HMX2: variants seen among roughly 807,000 people sequenced by gnomAD.
The protein encoded by HMX2 is homeobox protein HMX2.
In HMX2, 15 loss-of-function variants were observed where a neutral mutation model predicts 21.2. That is an observed-to-expected ratio of 0.71 (90% CI 0.47 to 1.09). HMX2 has a LOEUF of 1.09. HMX2 is among the 50% of genes least tolerant of loss of function. The pLI, the probability that HMX2 is intolerant of heterozygous loss-of-function variation, is 0.00. For missense variants in HMX2, 440 were observed against 381.5 expected, an observed-to-expected ratio of 1.15 and a Z score of -1.28; for synonymous variants, 193 against 181.0, an observed-to-expected ratio of 1.07 and a Z score of -0.53.
Position 123,150,030 on chromosome 10 carries a change from G to C in HMX2, c.729G>C (p.Pro243=). 6.2e-7 allele frequency: 1 copy of C among 1,606,172 alleles called. No individual in the cohort carries two copies. The highest frequency in any genetic ancestry group is 8.5e-7 in the Non-Finnish European group (1 of 1,178,036). Residue 243 remains proline (P), a synonymous_variant, in exon 2 of 2, where the codon CCG becomes CCC. Coordinates refer to ENST00000339992, the MANE Select transcript of HMX2 (RefSeq NM_005519.2). This position sits in a 1 kb window ranked among gnomAD's most constrained non-coding sequence, Gnocchi z 4.2. The part of the protein sequence containing the change: ...RDSSLLRVPV[P]RSLAFPAPLY... Reference sequence around the variant, plus strand: ...GTTCGCTGCTGCGCGTGCCGGTGCCGCGCTCGCTCGCCTTTCCCGCGCCGC... The same window carrying C: ...GTTCGCTGCTGCGCGTGCCGGTGCCCCGCTCGCTCGCCTTTCCCGCGCCGC...
chr10:123,149,739 C>T lies in HMX2; in HGVS notation c.438C>T (p.Gly146=). The T allele has an allele frequency of 6.5e-7, 1 of 1,533,672 alleles. No homozygotes were observed. The highest frequency in any genetic ancestry group is 8.7e-7 in the Non-Finnish European group (1 of 1,144,666). ...ACGGCGGCGCTGAGCGGCAGGCCGG[C>T]GCGGCCAAGAAGAAGACGCGCACCG... ...PRDGGAERQA[G]AAKKKTRTVF... The change falls in exon 2 of 2, where the codon GGC becomes GGT. Residue 146 remains glycine, a synonymous_variant. Transcript: ENST00000339992. This position sits in a 1 kb window ranked among gnomAD's most constrained non-coding sequence, Gnocchi z 5.4.
chr10:123,149,789 A>C lies in HMX2; in HGVS notation c.488A>C (p.Gln163Pro). Residue 163 changes from glutamine (Q) to proline (P), a missense_variant, in exon 2 of 2, where the codon CAG becomes CCG. Coordinates refer to ENST00000339992, the MANE Select transcript of HMX2 (RefSeq NM_005519.2). The surrounding 1 kb of genome is among the most constrained non-coding windows in gnomAD (Gnocchi z 5.4). ...GTCTTTTCGCGCAGCCAGGTGTACC[A>C]GCTCGAGTCCACCTTCGACATGAAG... is the stretch of plus-strand genomic sequence containing the variant. ...RTVFSRSQVY[Q>P]LESTFDMKRY... The C allele has an allele frequency of 6.2e-7, 1 of 1,609,334 alleles. No homozygotes were observed.
rs1844244262 is a variant in HMX2 at position 123,149,551 on chromosome 10, G to C, written c.269-19G>C. On this transcript the variant is annotated intron_variant, in intron 1 of 1. Coordinates refer to ENST00000339992, the MANE Select transcript of HMX2 (RefSeq NM_005519.2). The surrounding 1 kb of genome is among the most constrained non-coding windows in gnomAD (Gnocchi z 5.4). Reference sequence around the variant, plus strand: ...CCCCAACCAACTCCATGGCCTTTCTGTCTGTTCTCGCTCCTCAGGTACCCC... The same window carrying C: ...CCCCAACCAACTCCATGGCCTTTCTCTCTGTTCTCGCTCCTCAGGTACCCC... 6.3e-6 allele frequency: 9 copies of C among 1,426,942 alleles called. No individual in the cohort carries two copies. Among genetic ancestry groups the C allele is most frequent in the Non-Finnish European group, 8.2e-6 (9 of 1,091,236 alleles). The allele number at this position is 1,426,942 out of a possible 1,614,324, so 88.4% of individuals were successfully genotyped here. A position where few individuals can be genotyped will look rare whatever the true frequency, so the allele number is the denominator to read the frequency against.
Position 123,150,036 on chromosome 10 carries a change from G to T in HMX2, c.735G>T (p.Ser245=), listed in dbSNP as rs1372803836. Residue 245 remains serine, a synonymous_variant, in exon 2 of 2, where the codon TCG becomes TCT. Coordinates refer to ENST00000339992, the MANE Select transcript of HMX2 (RefSeq NM_005519.2). The surrounding 1 kb of genome is among the most constrained non-coding windows in gnomAD (Gnocchi z 4.2). ...SSLLRVPVPR[S]LAFPAPLYYP... is the part of the protein sequence containing the mutation. ...TGCTGCGCGTGCCGGTGCCGCGCTC[G>T]CTCGCCTTTCCCGCGCCGCTCTACT... 1.9e-6 allele frequency: 3 copies of T among 1,605,338 alleles called. No homozygotes were observed. The highest frequency in any genetic ancestry group is 1.7e-5 in the Admixed American group (1 of 59,566).
At position 123,148,262 on chromosome 10, in the gene HMX2, CTAGATTT is replaced by C; in HGVS notation, c.-116_-110del. On this transcript the variant is annotated 5_prime_UTR_variant, in exon 1 of 2. It removes the in-frame stop codon of an upstream open reading frame in the 5' UTR. Transcript: ENST00000339992. ...TCACCAGCCTCGGCGCCCCCTCCCCCTAGATTTCCTCCCCGCCCCTCCCCACTGCCTG... is the reference window on the plus strand; with the variant it reads ...TCACCAGCCTCGGCGCCCCCTCCCCCCCTCCCCGCCCCTCCCCACTGCCTG... 1 of 1,047,366 alleles carries C rather than the reference CTAGATTT, an allele frequency of 9.5e-7. No individual in the cohort carries two copies. The highest frequency in any genetic ancestry group is 1.4e-6 in the Non-Finnish European group (1 of 705,536). The allele number at this position is 1,047,366 out of a possible 1,614,324, so 64.9% of individuals were successfully genotyped here.
rs566028557 is a variant in HMX2, at chr10:123,150,231, A to C, written c.*108A>C. 3.4e-5 allele frequency: 30 copies of C among 887,538 alleles called. No individual in the cohort carries two copies. The East Asian group carries it at 7.8e-4, about 23-fold the overall frequency. The allele number at this position is 887,538 out of a possible 1,614,324, so 55.0% of individuals were successfully genotyped here. A position where few individuals can be genotyped will look rare whatever the true frequency, so the allele number is the denominator to read the frequency against. On this transcript the variant is annotated 3_prime_UTR_variant, in exon 2 of 2. Transcript: ENST00000339992. This position sits in a 1 kb window ranked among gnomAD's most constrained non-coding sequence, Gnocchi z 4.2. ...GGCGTGTTTCCAGAAATATGAAGAA[A>C]TACACCATGTGTATTCATTAGCTCT...
At position 123,149,927 on chromosome 10, in the gene HMX2, C is replaced by G. The variant is rs750186287; in HGVS notation, c.626C>G (p.Ser209Trp). The change falls in exon 2 of 2, where the codon TCG becomes TGG. Residue 209 changes from serine to tryptophan, a missense_variant. Transcript: ENST00000339992. The surrounding 1 kb of genome is among the most constrained non-coding windows in gnomAD (Gnocchi z 5.4). ...CGCAACAAGTGGAAGCGGCAGCTCTCGGCTGAGCTGGAGGCGGCCAACATG... is the reference window on the plus strand; with the variant it reads ...CGCAACAAGTGGAAGCGGCAGCTCTGGGCTGAGCTGGAGGCGGCCAACATG... ...NRRNKWKRQL[S>W]AELEAANMAH... The G allele has an allele frequency of 3.7e-6, 6 of 1,612,290 alleles. No homozygotes were observed. The highest frequency in any genetic ancestry group is 4.2e-6 in the Non-Finnish European group (5 of 1,179,744).
At position 123,149,729 on chromosome 10, in the gene HMX2, G is replaced by T. The variant is rs1844248276; in HGVS notation, c.428G>T (p.Arg143Leu). The part of the protein sequence containing the change: ...SERPRDGGAE[R>L]QAGAAKKKTR... Reference sequence around the variant, plus strand: ...CGGCCGCGGGACGGCGGCGCTGAGCGGCAGGCCGGCGCGGCCAAGAAGAAG... The same window carrying T: ...CGGCCGCGGGACGGCGGCGCTGAGCTGCAGGCCGGCGCGGCCAAGAAGAAG... Residue 143 changes from arginine (R) to leucine (L), a missense_variant, in exon 2 of 2, where the codon CGG becomes CTG. Transcript: ENST00000339992. This position sits in a 1 kb window ranked among gnomAD's most constrained non-coding sequence, Gnocchi z 5.4. 1 of 1,528,542 alleles carries T rather than the reference G, an allele frequency of 6.5e-7. No individual in the cohort carries two copies. Among genetic ancestry groups the T allele is most frequent in the Non-Finnish European group, 8.8e-7 (1 of 1,142,412 alleles). The allele number at this position is 1,528,542 out of a possible 1,614,324, so 94.7% of individuals were successfully genotyped here.
In HMX2 at chr10:123,149,946, C is replaced by T. The variant is rs1250402989; in HGVS notation, c.645C>T (p.Ala215=). 6.2e-7 allele frequency: 1 copy of T among 1,612,090 alleles called. No individual in the cohort carries two copies. Among genetic ancestry groups the T allele is most frequent in the Non-Finnish European group, 8.5e-7 (1 of 1,179,622 alleles). ...KRQLSAELEA[A]NMAHASAQTL... is the part of the protein sequence containing the mutation. The stretch of plus-strand genomic sequence containing the variant: ...AGCTCTCGGCTGAGCTGGAGGCGGC[C>T]AACATGGCGCACGCGTCGGCGCAGA... The change falls in exon 2 of 2, where the codon GCC becomes GCT. Residue 215 remains alanine (A), a synonymous_variant. Coordinates refer to ENST00000339992, the MANE Select transcript of HMX2 (RefSeq NM_005519.2). This position sits in a 1 kb window ranked among gnomAD's most constrained non-coding sequence, Gnocchi z 5.4.
rs962436812 is a variant in HMX2 at position 123,149,189 on chromosome 10, T to G, written c.269-381T>G. Among the ~76,000 whole-genome samples the G allele has an allele frequency of 6.6e-6, 1 of 152,160 alleles. No homozygotes were observed. The highest frequency in any genetic ancestry group is 2.4e-5 in the African/African-American group (1 of 41,430). On this transcript the variant is annotated intron_variant, in intron 1 of 1. Transcript: ENST00000339992. This position sits in a 1 kb window ranked among gnomAD's most constrained non-coding sequence, Gnocchi z 5.4. ...TCCTGCGTTAGTCCTTAGCGTGATT[T>G]CCAAACAAACGGCCTGTGAAATGAT...
Position 123,150,024 on chromosome 10 carries a change from G to T in HMX2, c.723G>T (p.Pro241=). 1 of 1,607,524 alleles carries T rather than the reference G, an allele frequency of 6.2e-7. No homozygotes were observed. Reference sequence around the variant, plus strand: ...GGGACAGTTCGCTGCTGCGCGTGCCGGTGCCGCGCTCGCTCGCCTTTCCCG... The same window carrying T: ...GGGACAGTTCGCTGCTGCGCGTGCCTGTGCCGCGCTCGCTCGCCTTTCCCG... ...VFRDSSLLRV[P]VPRSLAFPAP... The change falls in exon 2 of 2, where the codon CCG becomes CCT. Residue 241 remains proline (P), a synonymous_variant. Transcript: ENST00000339992. This position sits in a 1 kb window ranked among gnomAD's most constrained non-coding sequence, Gnocchi z 4.2.
chr10:123,148,198 C>T lies in HMX2; in HGVS notation c.-181C>T, dbSNP rs529789787. On this transcript the variant is annotated 5_prime_UTR_variant, in exon 1 of 2. Transcript: ENST00000339992. ...AGGCGGGCAGGAACCCCTGCGCAGC[C>T]ATCCGGTGCCTGCATGTCCCTGGCG... 27 of 645,250 alleles carry T rather than the reference C, an allele frequency of 4.2e-5. No individual in the cohort carries two copies. The highest frequency in any genetic ancestry group is 2.4e-4 in the East Asian group (8 of 33,168). 40.0% of individuals were successfully genotyped at this position (645,250 alleles called of 1,614,324 possible). A position where few individuals can be genotyped will look rare whatever the true frequency, so the allele number is the denominator to read the frequency against.
rs1844241967 is a variant in HMX2, at chr10:123,149,392, G to A, written c.269-178G>A. ...CAAGTAGCTGGGTCCCTCTCTTGTC[G>A]CTTTTAAAGGACGGGGTGCTGGGTT... On this transcript the variant is annotated intron_variant, in intron 1 of 1. Coordinates refer to ENST00000339992, the MANE Select transcript of HMX2 (RefSeq NM_005519.2). The surrounding 1 kb of genome is among the most constrained non-coding windows in gnomAD (Gnocchi z 5.4). Among the ~76,000 whole-genome samples the A allele has an allele frequency of 6.6e-6, 1 of 152,150 alleles. No individual in the cohort carries two copies. The highest frequency in any genetic ancestry group is 2.4e-5 in the African/African-American group (1 of 41,436).
rs1229305238 is a variant in HMX2, at chr10:123,149,560, C to T, written c.269-10C>T. ...ACTCCATGGCCTTTCTGTCTGTTCT[C>T]GCTCCTCAGGTACCCCCAAGGGCAG... is the stretch of plus-strand genomic sequence containing the variant. On this transcript the variant is annotated splice_polypyrimidine_tract_variant and intron_variant, in intron 1 of 1. Transcript: ENST00000339992. The surrounding 1 kb of genome is among the most constrained non-coding windows in gnomAD (Gnocchi z 5.4). The T allele has an allele frequency of 5.6e-6, 8 of 1,433,262 alleles. No homozygotes were observed. The highest frequency in any genetic ancestry group is 5.7e-5 in the Admixed American group (2 of 34,830). The allele number at this position is 1,433,262 out of a possible 1,614,324, so 88.8% of individuals were successfully genotyped here.
intron 1 of HMX2, 111 bp downstream of exon 1, chr10:123,148,757 C>T (rs1328208418): frequency 2.2e-6 from 3 of 1,371,252 alleles, no homozygotes; most frequent in South Asian, 1.5e-5. Flanking sequence ...CTGCGGCAGC[C>T]GGGGGTTCGG....
chr10:123,148,575 T>C lies in HMX2; in HGVS notation c.197T>C (p.Phe66Ser). The change falls in exon 1 of 2, where the codon TTC becomes TCC. Residue 66 changes from phenylalanine to serine, a missense_variant. Transcript: ENST00000339992. ...PDDGWKAPAC[F>S]CPDQHGPKEQ... is the part of the protein sequence containing the mutation. ...GACGGCTGGAAGGCGCCCGCCTGCT[T>C]CTGCCCAGACCAGCACGGCCCTAAG... 6.2e-7 allele frequency: 1 copy of C among 1,613,540 alleles called. No homozygotes were observed. The highest frequency in any genetic ancestry group is 8.5e-7 in the Non-Finnish European group (1 of 1,179,828).
chr10:123,148,711 G>A (rs528183757), intron 1 of HMX2, 65 bp downstream of exon 1: 5 of 1,559,470 alleles, frequency 3.2e-6, no homozygotes, highest in East Asian at 2.4e-5. Context: ...TGAGCGCCCC[G>A]CCAAGACTCC....
In HMX2 at chr10:123,150,300, T is replaced by TTTGTTTTG; in HGVS notation, c.*177_*178insTTGTTTTG. 1.8e-6 allele frequency: 1 copy of TTTGTTTTG among 567,078 alleles called. No individual in the cohort carries two copies. The allele number at this position is 567,078 out of a possible 1,614,324, so 35.1% of individuals were successfully genotyped here. On this transcript the variant is annotated 3_prime_UTR_variant, in exon 2 of 2. Coordinates refer to ENST00000339992, the MANE Select transcript of HMX2 (RefSeq NM_005519.2). The surrounding 1 kb of genome is among the most constrained non-coding windows in gnomAD (Gnocchi z 4.2). ...TACTTTTTGTTTTGATTGTTTCGGGTATTTATTGGCATTCCCTAAGTCAGA... is the reference window on the plus strand; with the variant it reads ...TACTTTTTGTTTTGATTGTTTCGGGTTTGTTTTGATTTATTGGCATTCCCTAAGTCAGA...
At position 123,148,401 on chromosome 10, in the gene HMX2, G is replaced by A. The variant is rs1332280436; in HGVS notation, c.23G>A (p.Gly8Asp). The A allele has an allele frequency of 1.2e-6, 2 of 1,613,314 alleles. No homozygotes were observed. The highest frequency in any genetic ancestry group is 2.2e-5 in the East Asian group (1 of 44,826). Residue 8 changes from glycine to aspartate, a missense_variant, in exon 1 of 2, where the codon GGC becomes GAC. Coordinates refer to ENST00000339992, the MANE Select transcript of HMX2 (RefSeq NM_005519.2). Reference sequence around the variant, plus strand: ...AGGATGGGCAGCAAAGAAGATGCGGGCAAGGGGTGTCCGGCGGCCGGTGGC... The same window carrying A: ...AGGATGGGCAGCAAAGAAGATGCGGACAAGGGGTGTCCGGCGGCCGGTGGC... MGSKEDAGKGCPAAGGVS... is the reference protein window; with the variant it reads MGSKEDADKGCPAAGGVS...
Sources: gnomAD v4.1 joint callset for allele counts (sites outside exome capture counted in the v4.1 genomes callset) on GRCh38, gnomAD v4.1.1 for gene constraint, Gnocchi (gnomAD v3.1) non-coding constraint, MANE v1.5 for transcripts, NCBI Gene and HGNC (gene_info 2026-07-23, HGNC 2026-07-21) for gene names.